DPYSL5: variants seen among roughly 807,000 people sequenced by gnomAD.
The protein encoded by DPYSL5 is dihydropyrimidinase like 5.
Under a neutral mutation model 58.4 loss-of-function variants are expected in DPYSL5, and 9 were observed. The observed-to-expected ratio is 0.15, with a 90% confidence interval of 0.09 to 0.27. The LOEUF (loss-of-function observed/expected upper bound fraction) is 0.27. DPYSL5 is among the 10% of genes least tolerant of loss of function. The pLI, the probability that DPYSL5 is intolerant of heterozygous loss-of-function variation, is 1.00. For missense variants in DPYSL5, 499 were observed against 770.6 expected (o/e 0.65, Z 4.17); for synonymous variants, 293 against 301.9 (o/e 0.97, Z 0.31).
At chr2:26,879,848 C>T (rs780664057) in intron 1 of DPYSL5, among the ~76,000 whole-genome samples, 10 of 152,180 alleles carry the variant, frequency 6.6e-5, no homozygotes, top group Non-Finnish European at 1.2e-4. Context: ...GACACCTGTC[C>T]ACACCTGCTT....
intron 1 of DPYSL5, among the ~76,000 whole-genome samples, chr2:26,859,178 T>C (rs1665952402): frequency 6.6e-6 from 1 of 152,208 alleles, no homozygotes; most frequent in African/African-American, 2.4e-5. Flanking sequence ...TTTGTTTTCA[T>C]ATGTTATTAG....
chr2:26,875,330 C>G (rs1663383582), intron 1 of DPYSL5, among the ~76,000 whole-genome samples: 1 of 152,210 alleles, frequency 6.6e-6, no homozygotes, highest in African/African-American at 2.4e-5. Context: ...GGGGTGAAAA[C>G]AGGCAGGAGA....
At chr2:26,920,057 ATGT>A (rs1279566393) in intron 2 of DPYSL5, among the ~76,000 whole-genome samples, 1 of 152,204 alleles carries the variant, frequency 6.6e-6, no homozygotes, top group African/African-American at 2.4e-5. Context: ...AAATTTTTAA[ATGT>A]TATGTGTTTA....
chr2:26,941,005 C>T (rs1408322109), intron 9 of DPYSL5, among the ~76,000 whole-genome samples: 2 of 150,198 alleles, frequency 1.3e-5, no homozygotes, highest in East Asian at 1.9e-4. Flanking sequence ...GGCGCTGTCT[C>T]GGCTCACTGC....
intron 9 of DPYSL5, 26 bp from the exon 10 acceptor site, chr2:26,941,924 A>G: frequency 1.2e-6 from 2 of 1,613,820 alleles, no homozygotes; most frequent in Non-Finnish European, 8.5e-7. Context: ...AGCCTGGTTG[A>G]CTTGACACTT....
At chr2:26,854,119 A>C (rs1403058915) in intron 1 of DPYSL5, among the ~76,000 whole-genome samples, 1 of 152,124 alleles carries the variant, frequency 6.6e-6, no homozygotes, top group Non-Finnish European at 1.5e-5. Flanking sequence ...CATTTAGATG[A>C]ATCTTTTATT....
chr2:26,926,400 C>T (rs1021053737), intron 3 of DPYSL5, among the ~76,000 whole-genome samples: 17 of 152,166 alleles, frequency 1.1e-4, no homozygotes, highest in African/African-American at 4.1e-4. Context: ...TCTCAGGTTC[C>T]CAGCAGCACA....
Position 26,933,216 on chromosome 2 carries a change from A to G in DPYSL5, c.715-42A>G. ...GGTTATTCTGATGCTTGTGAAGTTTATGGGTCAACCCTCCCTACTTCCCAC... is the reference window on the plus strand; with the variant it reads ...GGTTATTCTGATGCTTGTGAAGTTTGTGGGTCAACCCTCCCTACTTCCCAC... On this transcript the variant is annotated intron_variant, in intron 6 of 12. Coordinates refer to ENST00000288699, the MANE Select transcript of DPYSL5 (RefSeq NM_020134.4). The surrounding 1 kb of genome is among the most constrained non-coding windows in gnomAD (Gnocchi z 4.2). 7.6e-6 allele frequency: 12 copies of G among 1,587,938 alleles called. No homozygotes were observed. The highest frequency in any genetic ancestry group is 9.5e-6 in the Non-Finnish European group (11 of 1,156,194).
Position 26,929,633 on chromosome 2 carries a change from C to T in DPYSL5, c.669+1310C>T, listed in dbSNP as rs116912885. 1.2e-4 allele frequency among the ~76,000 whole-genome samples: 19 copies of T among 152,364 alleles called. No homozygotes were observed. In the East Asian group the frequency reaches 3.7e-3, roughly 29 times the overall value. On this transcript the variant is annotated intron_variant, in intron 5 of 12. Transcript: ENST00000288699. Reference sequence around the variant, plus strand: ...GTGGAAAAATCGTGTTCCACGAAACCGGTCCCTGGTGCCAAAATGGTTGGG... The same window carrying T: ...GTGGAAAAATCGTGTTCCACGAAACTGGTCCCTGGTGCCAAAATGGTTGGG...
chr2:26,909,752 GA>G (rs1664386212), intron 2 of DPYSL5, among the ~76,000 whole-genome samples: 1 of 148,320 alleles, frequency 6.7e-6, no homozygotes, highest in South Asian at 2.1e-4. Flanking sequence ...TCCAGTGACA[GA>G]ACAAGACCCT....
At position 26,949,633 on chromosome 2, in the gene DPYSL5, A is replaced by G. The variant is rs1665582038; in HGVS notation, c.*2638A>G. On this transcript the variant is annotated 3_prime_UTR_variant, in exon 13 of 13. Transcript: ENST00000288699. ...TACCTTCTCTGAGTGCCTCCGCCTG[A>G]GAGATGTGTGACCCGTGGCACCAGG... 1 of 152,288 alleles carries G rather than the reference A, an allele frequency of 6.6e-6. No homozygotes were observed. The highest frequency in any genetic ancestry group is 1.5e-5 in the Non-Finnish European group (1 of 68,120). The allele number at this position is 152,288 out of a possible 1,614,324, so 9.4% of individuals were successfully genotyped here.
In DPYSL5 at chr2:26,932,199, GAAAGAAAGA is replaced by G. The variant is rs1358411328; in HGVS notation, c.714+527_714+535del. Reference sequence around the variant, plus strand: ...AGAAAGAAAGAAAGAAAGAAAGAAAGAAAGAAAGAAAAGAAAGAAAGAAAGAAAGAAAGA... The same window carrying G: ...AGAAAGAAAGAAAGAAAGAAAGAAAGAAAGAAAGAAAGAAAGAAAGAAAGA... On this transcript the variant is annotated intron_variant, in intron 6 of 12. Coordinates refer to ENST00000288699, the MANE Select transcript of DPYSL5 (RefSeq NM_020134.4). Among the ~76,000 whole-genome samples, 104 of 75,388 alleles carry G rather than the reference GAAAGAAAGA, an allele frequency of 1.4e-3. 4 individuals are homozygous for G. Among genetic ancestry groups the G allele is most frequent in the African/African-American group, 4.1e-3 (84 of 20,736 alleles). 49.5% of individuals were successfully genotyped at this position (75,388 alleles called of 152,430 possible).
chr2:26,854,124 T>TGGA (rs1665821341), intron 1 of DPYSL5, among the ~76,000 whole-genome samples: 1 of 152,044 alleles, frequency 6.6e-6, no homozygotes, highest in Non-Finnish European at 1.5e-5. Context: ...AGATGAATCT[T>TGGA]TTATTGGATA....
intron 5 of DPYSL5, among the ~76,000 whole-genome samples, chr2:26,931,130 C>A (rs1198510575): frequency 2.3e-5 from 2 of 88,102 alleles, no homozygotes; most frequent in Non-Finnish European, 4.4e-5. Flanking sequence ...CAGAGTGAGA[C>A]CCTATCTAAA....
rs1458840431 is a variant in DPYSL5, at chr2:26,924,838, T to C, written c.262-49T>C. ...GACCATGTCTCACCACATCATTGAC[T>C]CGGGGGCAGGCAGGGCTGTGACGAG... On this transcript the variant is annotated intron_variant, in intron 2 of 12. Coordinates refer to ENST00000288699, the MANE Select transcript of DPYSL5 (RefSeq NM_020134.4). The surrounding 1 kb of genome is among the most constrained non-coding windows in gnomAD (Gnocchi z 4.7). 1 of 1,587,784 alleles carries C rather than the reference T, an allele frequency of 6.3e-7. No individual in the cohort carries two copies. Among genetic ancestry groups the C allele is most frequent in the Non-Finnish European group, 8.6e-7 (1 of 1,166,446 alleles).
intron 1 of DPYSL5, among the ~76,000 whole-genome samples, chr2:26,889,906 G>T (rs538846581): frequency 1.3e-5 from 2 of 152,250 alleles, no homozygotes; most frequent in East Asian, 3.9e-4. Context: ...AGACTAGCAG[G>T]GAAAGCTGTA....
chr2:26,915,386 G>A (rs1048593455), intron 2 of DPYSL5, among the ~76,000 whole-genome samples: 1 of 152,158 alleles, frequency 6.6e-6, no homozygotes, highest in Admixed American at 6.5e-5. Context: ...ATGGACCATC[G>A]GAGAATTGAA....
chr2:26,928,429 C>A, intron 5 of DPYSL5, 106 bp downstream of exon 5: 2 of 1,261,150 alleles, frequency 1.6e-6, no homozygotes, highest in Non-Finnish European at 2.3e-6. Flanking sequence ...GGCACAAGGG[C>A]TCATGTCTGT....
At chr2:26,883,274 A>C (rs550111313) in intron 1 of DPYSL5, among the ~76,000 whole-genome samples, 1 of 151,930 alleles carries the variant, frequency 6.6e-6, no homozygotes, top group African/African-American at 2.4e-5. Context: ...TCTGATTATC[A>C]TTTCCTTGTT....
Sources: gnomAD v4.1 joint callset for allele counts (sites outside exome capture counted in the v4.1 genomes callset) on GRCh38, gnomAD v4.1.1 for gene constraint, Gnocchi (gnomAD v3.1) non-coding constraint, MANE v1.5 for transcripts, NCBI Gene and HGNC (gene_info 2026-07-23, HGNC 2026-07-21) for gene names.